MACROD2: variants seen among roughly 807,000 people sequenced by gnomAD.
MACROD2 encodes the protein mono-ADP ribosylhydrolase 2, also known as ADP-ribose glycohydrolase MACROD2.
MACROD2 carries 36 observed loss-of-function variants against 70.4 expected under a neutral mutation model. The observed-to-expected ratio is 0.51, with a 90% CI of 0.39 to 0.68. MACROD2 has a LOEUF of 0.68. Among genes scored for constraint, MACROD2 ranks in the 30% least tolerant of loss-of-function variants. MACROD2 has a pLI of 0.00. For synonymous variants in MACROD2, 172 were observed against 178.8 expected, an observed-to-expected ratio of 0.96 and a Z score of 0.30; for missense variants, 496 against 538.4, an observed-to-expected ratio of 0.92 and a Z score of 0.78.
chr20:15,544,137 A>G (rs369562750), intron 8 of MACROD2, among the ~76,000 whole-genome samples: 1 of 152,176 alleles, frequency 6.6e-6, no homozygotes, highest in Admixed American at 6.5e-5. Context: ...AGAGTAACCG[A>G]TAGCCAAGGG....
chr20:14,851,229 A>T (rs1357737833), intron 5 of MACROD2, among the ~76,000 whole-genome samples: 1 of 152,134 alleles, frequency 6.6e-6, no homozygotes, highest in African/African-American at 2.4e-5. Context: ...TTTTGATTTC[A>T]TTCTTCCTGG....
intron 9 of MACROD2, among the ~76,000 whole-genome samples, chr20:15,883,787 C>T (rs1483355008): frequency 6.6e-6 from 1 of 152,018 alleles, no homozygotes; most frequent in African/African-American, 2.4e-5. Flanking sequence ...ATTCAGTGGA[C>T]ATTTATTGAT....
intron 5 of MACROD2, among the ~76,000 whole-genome samples, chr20:15,032,631 C>G (rs1191095282): frequency 6.6e-6 from 1 of 152,248 alleles, no homozygotes; most frequent in Non-Finnish European, 1.5e-5. Context: ...CATTTAAAAA[C>G]TGTACCTTCA....
intron 3 of MACROD2, among the ~76,000 whole-genome samples, chr20:14,187,016 C>T (rs1318483697): frequency 6.6e-6 from 1 of 151,916 alleles, no homozygotes; most frequent in Admixed American, 6.6e-5. Flanking sequence ...TGTTTACCAC[C>T]TGGGTGACAG....
At chr20:14,579,768 A>G (rs930906825) in intron 4 of MACROD2, among the ~76,000 whole-genome samples, 1 of 152,248 alleles carries the variant, frequency 6.6e-6, no homozygotes, top group Non-Finnish European at 1.5e-5. Context: ...TTGAATTAAT[A>G]TAAAAGCTTG....
chr20:15,984,976 C>T (rs536194975), intron 13 of MACROD2, among the ~76,000 whole-genome samples: 38 of 152,194 alleles, frequency 2.5e-4, no homozygotes, highest in African/African-American at 6.3e-4. Context: ...CGGAAACTGG[C>T]CTGGGTGCCT....
At chr20:14,579,773 A>T (rs1304361150) in intron 4 of MACROD2, among the ~76,000 whole-genome samples, 4 of 152,222 alleles carry the variant, frequency 2.6e-5, no homozygotes, top group Non-Finnish European at 5.9e-5. Context: ...TTAATATAAA[A>T]GCTTGATAAA....
intron 3 of MACROD2, among the ~76,000 whole-genome samples, chr20:14,491,111 G>A (rs186479001): frequency 4.3e-4 from 65 of 152,242 alleles, no homozygotes; most frequent in African/African-American, 1.4e-3. Context: ...AAGAAGTAAC[G>A]TGAAGCTACC....
At chr20:14,384,544 C>T (rs907730254) in intron 3 of MACROD2, among the ~76,000 whole-genome samples, 7 of 152,016 alleles carry the variant, frequency 4.6e-5, no homozygotes, top group African/African-American at 1.4e-4. Context: ...CATTCCATTG[C>T]AGTTGATTTT....
intron 15 of MACROD2, among the ~76,000 whole-genome samples, chr20:16,030,822 G>A (rs1461458447): frequency 2.0e-5 from 3 of 152,084 alleles, no homozygotes; most frequent in Admixed American, 6.6e-5. Context: ...GATAGGTGTC[G>A]CTGAAATTTA....
chr20:15,206,964 C>T (rs175257), intron 5 of MACROD2, among the ~76,000 whole-genome samples: 26,795 of 150,396 alleles, frequency 0.18, 2,578 homozygotes, highest in African/African-American at 0.24. Flanking sequence ...CCTCGATCTC[C>T]TGACCTCATG....
At chr20:15,702,778 A>C (rs1304416173) in intron 8 of MACROD2, among the ~76,000 whole-genome samples, 1 of 152,218 alleles carries the variant, frequency 6.6e-6, no homozygotes, top group African/African-American at 2.4e-5. Flanking sequence ...ATTAGAAAAA[A>C]CTATTCTAAA....
intron 3 of MACROD2, among the ~76,000 whole-genome samples, chr20:14,482,678 C>T (rs188216669): frequency 2.5e-4 from 37 of 148,302 alleles, no homozygotes; most frequent in Admixed American, 2.1e-3. Context: ...AGGAAACATA[C>T]GTTCCATTGA....
intron 5 of MACROD2, among the ~76,000 whole-genome samples, chr20:15,143,949 A>C (rs1173382211): frequency 6.7e-6 from 1 of 148,374 alleles, no homozygotes; most frequent in African/African-American, 2.5e-5. Context: ...ATGAGCTAAA[A>C]AAAAAAAAAT....
chr20:14,944,031 A>G (rs894730138), intron 5 of MACROD2, among the ~76,000 whole-genome samples: 1 of 152,186 alleles, frequency 6.6e-6, no homozygotes, highest in African/African-American at 2.4e-5. Flanking sequence ...ACAGTCGTAT[A>G]CATTTCTGTA....
At chr20:14,187,080 TG>T (rs2081350895) in intron 3 of MACROD2, among the ~76,000 whole-genome samples, 1 of 147,742 alleles carries the variant, frequency 6.8e-6, no homozygotes, top group South Asian at 2.1e-4. Context: ...GTAACAAACC[TG>T]CGCGTGTACC....
intron 5 of MACROD2, among the ~76,000 whole-genome samples, chr20:14,819,938 G>A (rs1356333135): frequency 6.6e-6 from 1 of 152,018 alleles, no homozygotes; most frequent in Non-Finnish European, 1.5e-5. Context: ...GCCCTGGGAA[G>A]CCCATGAAGG....
chr20:14,457,147 C>T (rs2084313440), intron 3 of MACROD2, among the ~76,000 whole-genome samples: 1 of 151,982 alleles, frequency 6.6e-6, no homozygotes, highest in Non-Finnish European at 1.5e-5. Context: ...ACATCAGGGG[C>T]TTTTTTCTTC....
chr20:14,281,933 C>CAAAAAAA (rs571115190), intron 3 of MACROD2, among the ~76,000 whole-genome samples: 7 of 96,418 alleles, frequency 7.3e-5, no homozygotes, highest in Admixed American at 1.3e-4. Context: ...GACTCCCTCT[C>CAAAAAAA]AAAAAAAAAA....
Sources: gnomAD v4.1 joint callset for allele counts (sites outside exome capture counted in the v4.1 genomes callset) on GRCh38, gnomAD v4.1.1 for gene constraint, MANE v1.5 for transcripts, NCBI Gene and HGNC (gene_info 2026-07-23, HGNC 2026-07-21) for gene names.